The following NRCAM variants were observed in gnomAD, a reference collection of about 807,000 sequenced individuals.
The protein encoded by NRCAM is NgCAM-related cell adhesion molecule.
NRCAM carries 83 observed loss-of-function variants against 156.5 expected under a neutral mutation model. The observed-to-expected ratio is 0.53, with a 90% CI of 0.44 to 0.64. The LOEUF (loss-of-function observed/expected upper bound fraction) is 0.64, where lower values mean the gene tolerates loss of function less well. Among genes scored for constraint, NRCAM ranks in the 30% least tolerant of loss-of-function variants. The pLI is 0.00. For missense variants in NRCAM, 1,417 were observed against 1,597.3 expected, an observed-to-expected ratio of 0.89 and a Z score of 1.92; for synonymous variants, 538 against 563.9, an observed-to-expected ratio of 0.95 and a Z score of 0.65.
intron 1 of NRCAM, among the ~76,000 whole-genome samples, chr7:108,451,088 A>G (rs66461825): frequency 0.25 from 37,426 of 151,934 alleles, 4,922 homozygotes; most frequent in Non-Finnish European, 0.29. Context: ...GCATGGTGGC[A>G]GGTGCCTGTA....
At chr7:108,160,134 T>C (rs2048009220) in intron 31 of NRCAM, among the ~76,000 whole-genome samples, 1 of 152,210 alleles carries the variant, frequency 6.6e-6, no homozygotes, top group Non-Finnish European at 1.5e-5. Flanking sequence ...GGCTCACTAA[T>C]GTTTTCAGAG....
chr7:108,455,748 C>G (rs1245990225), intron 1 of NRCAM, among the ~76,000 whole-genome samples: 1 of 152,224 alleles, frequency 6.6e-6, no homozygotes, highest in Non-Finnish European at 1.5e-5. Flanking sequence ...CAGGCACACG[C>G]CCGTGCGCTC....
chr7:108,166,893 G>A (rs1195380253), intron 30 of NRCAM, 28 bp downstream of exon 30: 2 of 1,610,470 alleles, frequency 1.2e-6, no homozygotes, highest in African/African-American at 2.7e-5. Context: ...CTGAGCGGGA[G>A]CCAGAACAGG....
chr7:108,175,688 G>A (rs1167162873), intron 27 of NRCAM, among the ~76,000 whole-genome samples: 1 of 152,106 alleles, frequency 6.6e-6, no homozygotes, highest in African/African-American at 2.4e-5. Context: ...AATTTTTTAT[G>A]CTATCAAAGA....
upstream of NRCAM, chr7:108,456,522 T>C (rs1194856755): frequency 6.6e-6 from 1 of 150,732 alleles, no homozygotes. Context: ...CCGGCTCTCC[T>C]TAGCGTCCTC....
At chr7:108,332,483 C>T (rs2099136738) in intron 2 of NRCAM, among the ~76,000 whole-genome samples, 1 of 152,132 alleles carries the variant, frequency 6.6e-6, no homozygotes, top group South Asian at 2.1e-4. Flanking sequence ...TCCCTTCAAT[C>T]ACCATCTCCT....
Position 108,226,195 on chromosome 7 carries a change from G to C in NRCAM, c.721+13C>G. 1 of 1,564,328 alleles carries C rather than the reference G, an allele frequency of 6.4e-7. No homozygotes were observed. Among genetic ancestry groups the C allele is most frequent in the South Asian group, 1.2e-5 (1 of 84,834 alleles). ...TGTCATTGAAGGGGAGATTTGGGAA[G>C]CTGAACTCTTACCTGAAATCACCTT... On this transcript the variant is annotated intron_variant, in intron 9 of 32. Coordinates refer to ENST00000379028, the MANE Select transcript of NRCAM (RefSeq NM_001037132.4).
intron 2 of NRCAM, among the ~76,000 whole-genome samples, chr7:108,331,905 C>A (rs908153989): frequency 6.6e-6 from 1 of 152,136 alleles, no homozygotes; most frequent in Non-Finnish European, 1.5e-5. Context: ...TTTTGAAATT[C>A]TTCTACAGGA....
At chr7:108,300,160 CTTTTTTT>C (rs10665036) in intron 3 of NRCAM, among the ~76,000 whole-genome samples, 119 of 65,868 alleles carry the variant, frequency 1.8e-3, no homozygotes, top group East Asian at 5.8e-3. Context: ...TTTCTGTTGA[CTTTTTTT>C]TTTTTTTTTT....
chr7:108,314,325 T>C (rs978864577), intron 2 of NRCAM, among the ~76,000 whole-genome samples: 2 of 152,282 alleles, frequency 1.3e-5, no homozygotes, highest in Non-Finnish European at 2.9e-5. Context: ...TGGCCTTTCA[T>C]TACCCCAAAA....
chr7:108,300,160 CTTT>C (rs10665036), intron 3 of NRCAM, among the ~76,000 whole-genome samples: 5,611 of 65,654 alleles, frequency 0.085, 170 homozygotes, highest in Middle Eastern at 0.13. Flanking sequence ...TTTCTGTTGA[CTTT>C]TTTTTTTTTT....
chr7:108,209,747 C>G (rs1401012802), intron 11 of NRCAM, 142 bp from the exon 12 acceptor site: 1 of 633,272 alleles, frequency 1.6e-6, no homozygotes, highest in South Asian at 2.2e-5. Flanking sequence ...TAGCACCACA[C>G]TTTTATAAAT....
chr7:108,421,431 C>T (rs903395534), intron 1 of NRCAM, among the ~76,000 whole-genome samples: 2 of 152,094 alleles, frequency 1.3e-5, no homozygotes, highest in Non-Finnish European at 2.9e-5. Flanking sequence ...TAGACCATTG[C>T]AAGACTAAGT....
chr7:108,391,042 A>C (rs529003686), intron 2 of NRCAM, among the ~76,000 whole-genome samples: 13 of 152,270 alleles, frequency 8.5e-5, no homozygotes, highest in Admixed American at 7.8e-4. Flanking sequence ...AGAAGAATGT[A>C]TATTCTGTTG....
intron 2 of NRCAM, among the ~76,000 whole-genome samples, chr7:108,371,995 G>A (rs1463532068): frequency 6.6e-6 from 1 of 152,092 alleles, no homozygotes; most frequent in East Asian, 1.9e-4. Flanking sequence ...AATCAAGACA[G>A]CATGGTACTG....
rs997011192 is a variant in NRCAM, at chr7:108,191,159, C to T, written c.1933+95G>A. 3 of 1,025,056 alleles carry T rather than the reference C, an allele frequency of 2.9e-6. No individual in the cohort carries two copies. The African/African-American group carries it at 4.8e-5, about 17-fold the overall frequency. 63.5% of individuals were successfully genotyped at this position (1,025,056 alleles called of 1,614,324 possible). On this transcript the variant is annotated intron_variant, in intron 19 of 32. Transcript: ENST00000379028. ...ACAGAGACCTTTTCCTTAAGAAACA[C>T]AATTATGTGACATAGAAAAGAAAGT...
intron 1 of NRCAM, among the ~76,000 whole-genome samples, chr7:108,442,180 G>A (rs769118321): frequency 3.9e-5 from 6 of 152,172 alleles, no homozygotes; most frequent in Admixed American, 2.0e-4. Flanking sequence ...AGGTGGCTGA[G>A]GTGGTATGAT....
chr7:108,414,619 A>G (rs1799232775), intron 1 of NRCAM, among the ~76,000 whole-genome samples: 2 of 152,232 alleles, frequency 1.3e-5, no homozygotes, highest in Non-Finnish European at 2.9e-5. Flanking sequence ...AATGAATGTA[A>G]TTAGAGGGCA....
intron 2 of NRCAM, among the ~76,000 whole-genome samples, chr7:108,320,665 T>A: frequency 6.6e-6 from 1 of 152,190 alleles, no homozygotes; most frequent in East Asian, 1.9e-4. Context: ...CATTGACACA[T>A]AAAGTGACAA....
Sources: gnomAD v4.1 joint callset for allele counts (sites outside exome capture counted in the v4.1 genomes callset) on GRCh38, gnomAD v4.1.1 for gene constraint, MANE v1.5 for transcripts, NCBI Gene and HGNC (gene_info 2026-07-23, HGNC 2026-07-21) for gene names.